Variants in SPDYE14 observed in about 807,000 individuals in gnomAD.
The protein encoded by SPDYE14 is speedy protein E14.
the SPDYE14 span, among the ~76,000 whole-genome samples, chr7:75,268,892 A>AGG: frequency 8.2e-5 from 2 of 24,442 alleles, no homozygotes; most frequent in African/African-American, 1.7e-4. Flanking sequence ...AGAGAGAGAG[A>AGG]GAAAGGAAAT....
At chr7:75,241,693 ATATTT>A in the SPDYE14 span, among the ~76,000 whole-genome samples, 18 of 22,736 alleles carry the variant, frequency 7.9e-4, 1 homozygote, top group African/African-American at 1.9e-3. Flanking sequence ...ATATATATAT[ATATTT>A]TTTTTTTTTT....
the SPDYE14 span, among the ~76,000 whole-genome samples, chr7:75,278,923 C>A: frequency 2.0e-5 from 1 of 49,246 alleles, no homozygotes; most frequent in Admixed American, 1.8e-4. Context: ...GCCTGGGTGA[C>A]AGAGTGAGAC....
chr7:75,265,027 T>TG, the SPDYE14 span, among the ~76,000 whole-genome samples: 10 of 64,654 alleles, frequency 1.5e-4, 1 homozygote, highest in Non-Finnish European at 3.1e-4. Flanking sequence ...GCCTGTTTTT[T>TG]TTTTTTTTTT....
At chr7:75,272,755 G>A in the SPDYE14 span, among the ~76,000 whole-genome samples, 1 of 56,604 alleles carries the variant, frequency 1.8e-5, no homozygotes, top group Non-Finnish European at 4.5e-5. Context: ...GTGTGGTGGT[G>A]GGCGCCTGTA....
At chr7:75,261,453 CT>C in the SPDYE14 span, among the ~76,000 whole-genome samples, 28 of 39,926 alleles carry the variant, frequency 7.0e-4, no homozygotes, top group African/African-American at 1.1e-3. Context: ...TCAAGAACAC[CT>C]TTTTTTTTTT....
At chr7:75,261,482 A>T in the SPDYE14 span, among the ~76,000 whole-genome samples, 1 of 84,912 alleles carries the variant, frequency 1.2e-5, no homozygotes, top group Non-Finnish European at 2.4e-5. Context: ...TTTTTTAAAG[A>T]GACAGTGTCT....
chr7:75,275,133 C>T, the SPDYE14 span, among the ~76,000 whole-genome samples: 5 of 55,614 alleles, frequency 9.0e-5, no homozygotes, highest in Non-Finnish European at 1.4e-4. Context: ...CCCGGCCAGC[C>T]GCCCCGTCCG....
the SPDYE14 span, among the ~76,000 whole-genome samples, chr7:75,262,235 AAAAC>A: frequency 1.6e-5 from 1 of 62,426 alleles, no homozygotes; most frequent in African/African-American, 3.6e-5. Context: ...CTAAATAAAT[AAAAC>A]AAACAAAATC....
the SPDYE14 span, among the ~76,000 whole-genome samples, chr7:75,279,307 GAC>G: frequency 8.1e-5 from 5 of 61,900 alleles, no homozygotes; most frequent in Middle Eastern, 7.5e-3. Context: ...TTTCTTTTGA[GAC>G]AGAGTCTCAC....
the SPDYE14 span, among the ~76,000 whole-genome samples, chr7:75,245,080 GA>G: frequency 2.1e-5 from 1 of 47,090 alleles, no homozygotes; most frequent in Non-Finnish European, 5.2e-5. Flanking sequence ...GCAATAGAGT[GA>G]GATTCCATCT....
the SPDYE14 span, among the ~76,000 whole-genome samples, chr7:75,272,873 G>A: frequency 3.3e-4 from 11 of 33,096 alleles, 4 homozygotes; most frequent in South Asian, 0.014. Flanking sequence ...GCGACAGAGT[G>A]AAACTGTGTC....
the SPDYE14 span, among the ~76,000 whole-genome samples, chr7:75,244,051 A>T: frequency 5.4e-5 from 2 of 36,794 alleles, 1 homozygote; most frequent in Admixed American, 9.1e-4. Context: ...TGCCAGAGGG[A>T]GGGTGCTAGG....
chr7:75,275,705 G>C, the SPDYE14 span, among the ~76,000 whole-genome samples: 22 of 16,700 alleles, frequency 1.3e-3, 2 homozygotes, highest in African/African-American at 3.1e-3. Context: ...CCCTCTGTGA[G>C]AAACACCCAA....
chr7:75,237,715 C>T, the SPDYE14 span: 1 of 111,610 alleles, frequency 9.0e-6, no homozygotes, highest in Non-Finnish European at 2.1e-5. Context: ...CAACTTGCCA[C>T]TCAAACGCCG....
the SPDYE14 span, among the ~76,000 whole-genome samples, chr7:75,278,891 G>A: frequency 4.0e-5 from 2 of 50,214 alleles, no homozygotes; most frequent in Admixed American, 1.6e-4. Flanking sequence ...GCAGTGAGCC[G>A]AGATCATGCC....
chr7:75,265,398 C>T, the SPDYE14 span, among the ~76,000 whole-genome samples: 1 of 27,120 alleles, frequency 3.7e-5, no homozygotes, highest in African/African-American at 1.4e-4. Context: ...CATGAGCCAC[C>T]ACACCTGGCC....
chr7:75,278,975 G>T, the SPDYE14 span, among the ~76,000 whole-genome samples: 1 of 110,260 alleles, frequency 9.1e-6, no homozygotes, highest in African/African-American at 4.7e-5. Flanking sequence ...GCTTAAATCG[G>T]GAGAGTGACA....
At chr7:75,268,845 CAGAGAGAGAGAGAGAG>C in the SPDYE14 span, among the ~76,000 whole-genome samples, 1 of 9,596 alleles carries the variant, frequency 1.0e-4, no homozygotes, top group African/African-American at 3.3e-4. Context: ...GCACTCCAGC[CAGAGAGAGAGAGAGAG>C]AGAGAGAGAG....
the SPDYE14 span, among the ~76,000 whole-genome samples, chr7:75,274,661 A>C: frequency 1.4e-5 from 2 of 140,286 alleles, no homozygotes; most frequent in Admixed American, 1.4e-4. Flanking sequence ...GTGCACCACC[A>C]CTCCCGACTA....
Sources: allele counts gnomAD v4.1 joint callset (sites outside exome capture counted in the v4.1 genomes callset), GRCh38; gene constraint gnomAD v4.1.1; transcripts MANE v1.5; gene names NCBI Gene and HGNC (gene_info 2026-07-23, HGNC 2026-07-21).